Variants in FBN1 observed in about 807,000 individuals in gnomAD.
FBN1 encodes the protein fibrillin 1.
FBN1 carries 29 observed loss-of-function variants against 365.1 expected under a neutral mutation model. That is an observed-to-expected ratio of 0.08 (90% confidence interval 0.06 to 0.11). The LOEUF (loss-of-function observed/expected upper bound fraction) is 0.11. FBN1 is among the 10% of genes least tolerant of loss of function. The pLI is 1.00. For synonymous variants in FBN1, 1,210 were observed against 1,270.5 expected, an observed-to-expected ratio of 0.95 and a Z score of 1.01; for missense variants, 2,476 against 3,703.2, an observed-to-expected ratio of 0.67 and a Z score of 8.60.
At chr15:48,478,252 G>A (rs1028218565) in intron 32 of FBN1, among the ~76,000 whole-genome samples, 1 of 152,130 alleles carries the variant, frequency 6.6e-6, no homozygotes, top group Non-Finnish European at 1.5e-5. Flanking sequence ...TTCACAGGCC[G>A]ACAGCCAGTG....
At chr15:48,495,053 T>C in intron 22 of FBN1, 70 bp downstream of exon 22, 3 of 1,576,812 alleles carry the variant, frequency 1.9e-6, no homozygotes. Flanking sequence ...ATAAATGAAA[T>C]ACTAGGCTTC....
chr15:48,613,440 G>C (rs776347656), intron 2 of FBN1, among the ~76,000 whole-genome samples: 2 of 152,086 alleles, frequency 1.3e-5, no homozygotes, highest in Non-Finnish European at 2.9e-5. Context: ...AAGAAAGTTT[G>C]TAATAAAATC....
intron 5 of FBN1, among the ~76,000 whole-genome samples, chr15:48,599,252 G>T (rs914637865): frequency 6.6e-6 from 1 of 151,824 alleles, no homozygotes; most frequent in Non-Finnish European, 1.5e-5. Flanking sequence ...CCTGAATAAC[G>T]CCCACCATTG....
At chr15:48,599,797 A>T (rs1360740403) in intron 5 of FBN1, among the ~76,000 whole-genome samples, 1 of 152,200 alleles carries the variant, frequency 6.6e-6, no homozygotes, top group Admixed American at 6.5e-5. Flanking sequence ...TGAAAATCCA[A>T]GTGTTGAAGT....
intron 43 of FBN1, among the ~76,000 whole-genome samples, chr15:48,459,869 G>C (rs1377798463): frequency 6.6e-6 from 1 of 152,212 alleles, no homozygotes; most frequent in Non-Finnish European, 1.5e-5. Context: ...TACACGTAAG[G>C]ATTGGTGTGA....
At chr15:48,556,038 C>A (rs1025015215) in intron 6 of FBN1, among the ~76,000 whole-genome samples, 2 of 152,088 alleles carry the variant, frequency 1.3e-5, no homozygotes, top group African/African-American at 2.4e-5. Context: ...TCCACAAATA[C>A]CTTTTATCTC....
chr15:48,415,835 G>C, intron 63 of FBN1, 68 bp from the exon 64 acceptor site: 1 of 1,356,480 alleles, frequency 7.4e-7, no homozygotes, highest in Non-Finnish European at 1.1e-6. Context: ...CATTGGATCT[G>C]GCCACTTGCT....
At chr15:48,411,499 C>A in intron 65 of FBN1, 120 bp from the exon 66 acceptor site, 1 of 874,954 alleles carries the variant, frequency 1.1e-6, no homozygotes, top group Non-Finnish European at 1.9e-6. Context: ...GCTGCATACA[C>A]AATATTGAAA....
At chr15:48,546,607 G>C (rs908879388) in intron 6 of FBN1, among the ~76,000 whole-genome samples, 1 of 152,154 alleles carries the variant, frequency 6.6e-6, no homozygotes, top group Non-Finnish European at 1.5e-5. Context: ...AGGACATCTC[G>C]GGATATGATG....
At chr15:48,483,586 C>T (rs1214103356) in intron 31 of FBN1, among the ~76,000 whole-genome samples, 3 of 152,186 alleles carry the variant, frequency 2.0e-5, no homozygotes, top group Non-Finnish European at 4.4e-5. Flanking sequence ...AAATGTCCAT[C>T]TGGAGCTGAC....
intron 9 of FBN1, among the ~76,000 whole-genome samples, chr15:48,522,877 A>T (rs1480305723): frequency 1.3e-5 from 2 of 152,182 alleles, no homozygotes; most frequent in African/African-American, 4.8e-5. Context: ...TTGTGGTTCC[A>T]GTTCCTGTAC....
At chr15:48,533,845 T>C (rs1318412219) in intron 8 of FBN1, among the ~76,000 whole-genome samples, 1 of 152,214 alleles carries the variant, frequency 6.6e-6, no homozygotes, top group Non-Finnish European at 1.5e-5. Flanking sequence ...TAATATTTAA[T>C]TTGATTCAGA....
intron 6 of FBN1, among the ~76,000 whole-genome samples, chr15:48,572,523 TAA>T (rs543563373): frequency 7.0e-6 from 1 of 143,422 alleles, no homozygotes. Flanking sequence ...ATTAGTTTGT[TAA>T]AAAAAAAAAC....
At chr15:48,612,357 T>C (rs945332360) in intron 3 of FBN1, among the ~76,000 whole-genome samples, 1 of 152,194 alleles carries the variant, frequency 6.6e-6, no homozygotes, top group Non-Finnish European at 1.5e-5. Flanking sequence ...CATTATTTCA[T>C]AGGTACAACA....
chr15:48,485,553 C>T, intron 29 of FBN1, 57 bp from the exon 30 acceptor site: 1 of 1,591,790 alleles, frequency 6.3e-7, no homozygotes, highest in Non-Finnish European at 8.6e-7. Flanking sequence ...CTGTCCCCTC[C>T]AATACTCGTG....
Position 48,437,805 on chromosome 15 carries a change from C to G in FBN1, c.6276G>C (p.Trp2092Cys). Reference sequence around the variant, plus strand: ...TGGGGCAGAGCTCGCAGGGGTCTCCCCAGCCTTCTCCCTTCAAGGCACAGC... The same window carrying G: ...TGGGGCAGAGCTCGCAGGGGTCTCCGCAGCCTTCTCCCTTCAAGGCACAGC... ...ECCCALKGEG[W>C]GDPCELCPTE... Residue 2092 changes from tryptophan to cysteine, a missense_variant, in exon 51 of 66, where the codon TGG becomes TGC. Around this residue, in one of 5 missense-constraint regions of FBN1, gnomAD observed 1,780 missense variants for 2,840.8 expected, o/e 0.63. Coordinates refer to ENST00000316623, the MANE Select transcript of FBN1 (RefSeq NM_000138.5). The G allele has an allele frequency of 6.2e-7, 1 of 1,613,804 alleles. No homozygotes were observed. The highest frequency in any genetic ancestry group is 8.5e-7 in the Non-Finnish European group (1 of 1,179,864).
chr15:48,578,455 C>T (rs918065306), intron 6 of FBN1, among the ~76,000 whole-genome samples: 6 of 152,116 alleles, frequency 3.9e-5, no homozygotes, highest in Admixed American at 6.5e-5. Flanking sequence ...CTCCAAAGCG[C>T]ATCCTATAAT....
chr15:48,501,832 G>A (rs2043661195), intron 17 of FBN1, among the ~76,000 whole-genome samples: 2 of 152,064 alleles, frequency 1.3e-5, no homozygotes, highest in Admixed American at 1.3e-4. Flanking sequence ...ACACACAAAA[G>A]GATGATATTA....
chr15:48,570,557 T>A (rs1251842027), intron 6 of FBN1, among the ~76,000 whole-genome samples: 3 of 152,158 alleles, frequency 2.0e-5, no homozygotes, highest in African/African-American at 7.2e-5. Flanking sequence ...GTCATCCTCA[T>A]GAAATTCATG....
Sources: allele counts gnomAD v4.1 joint callset (sites outside exome capture counted in the v4.1 genomes callset), GRCh38; gene constraint gnomAD v4.1.1; regional missense constraint gnomAD v4.1.1; transcripts MANE v1.5; gene names NCBI Gene and HGNC (gene_info 2026-07-23, HGNC 2026-07-21).